The following ITPRID1 variants were observed in gnomAD, a reference collection of about 807,000 sequenced individuals.
The protein encoded by ITPRID1 is ITPR interacting domain containing 1.
In ITPRID1, 96 loss-of-function variants were observed where a neutral mutation model predicts 95.4. The observed-to-expected ratio is 1.01, with a 90% CI of 0.85 to 1.19. ITPRID1 has a LOEUF of 1.19. ITPRID1 is among the 50% of genes most tolerant of loss of function. The pLI is 0.00. For synonymous variants in ITPRID1, 510 were observed against 453.6 expected (o/e 1.12, Z -1.58); for missense variants, 1,339 against 1,252.9 (o/e 1.07, Z -1.04).
chr7:31,588,283 C>G (rs1785709213), intron 10 of ITPRID1, among the ~76,000 whole-genome samples: 1 of 152,008 alleles, frequency 6.6e-6, no homozygotes, highest in African/African-American at 2.4e-5. Flanking sequence ...TTTTTAAAAG[C>G]TTTTTATTTT....
chr7:31,623,292 A>G (rs1312685379), intron 10 of ITPRID1, among the ~76,000 whole-genome samples: 1 of 152,100 alleles, frequency 6.6e-6, no homozygotes, highest in Non-Finnish European at 1.5e-5. Flanking sequence ...CCGGGCAGAG[A>G]CACAACCAAA....
chr7:31,521,920 T>G (rs2128127455), intron 1 of ITPRID1, among the ~76,000 whole-genome samples: 1 of 148,898 alleles, frequency 6.7e-6, no homozygotes, highest in South Asian at 2.1e-4. Context: ...TTTTTTTTTT[T>G]TTTTTTTGGT....
At chr7:31,560,805 G>A (rs1461037219) in intron 5 of ITPRID1, among the ~76,000 whole-genome samples, 1 of 152,190 alleles carries the variant, frequency 6.6e-6, no homozygotes, top group African/African-American at 2.4e-5. Context: ...GTACTATTGA[G>A]TAGGTAGTTG....
chr7:31,592,451 A>T (rs759967516), intron 10 of ITPRID1, among the ~76,000 whole-genome samples: 1 of 152,224 alleles, frequency 6.6e-6, no homozygotes, highest in African/African-American at 2.4e-5. Flanking sequence ...ATTCAAGTTG[A>T]TTAAGATGTT....
At chr7:31,535,224 A>C (rs1221298654) in intron 1 of ITPRID1, among the ~76,000 whole-genome samples, 3 of 152,180 alleles carry the variant, frequency 2.0e-5, no homozygotes, top group Admixed American at 1.3e-4. Flanking sequence ...CTATCATTAA[A>C]GTATATTGTA....
At chr7:31,516,462 T>C (rs1783043471) in intron 1 of ITPRID1, among the ~76,000 whole-genome samples, 1 of 152,184 alleles carries the variant, frequency 6.6e-6, no homozygotes, top group Non-Finnish European at 1.5e-5. Context: ...TAAAACACCC[T>C]TGATATCCCG....
chr7:31,551,924 G>A lies in ITPRID1; in HGVS notation c.-23-1078G>A, dbSNP rs1250339769. ...TAAAGCATATGTCATGGAAGTAATT[G>A]CATCAGAAAGTGTGGCTTGAAACCT... On this transcript the variant is annotated intron_variant, in intron 2 of 14. Transcript: ENST00000615280. 2.1e-5 allele frequency: 9 copies of A among 419,514 alleles called. 1 individual carries two copies. The highest frequency in any genetic ancestry group is 1.5e-4 in the South Asian group (9 of 59,094). The allele number at this position is 419,514 out of a possible 1,614,324, so 26.0% of individuals were successfully genotyped here.
intron 1 of ITPRID1, among the ~76,000 whole-genome samples, chr7:31,528,266 G>A (rs1206245364): frequency 2.0e-5 from 3 of 152,314 alleles, no homozygotes; most frequent in Non-Finnish European, 4.4e-5. Context: ...GTTTATGTGT[G>A]TATGTGGATG....
intron 12 of ITPRID1, among the ~76,000 whole-genome samples, chr7:31,648,789 C>T (rs1171307267): frequency 6.6e-6 from 1 of 152,230 alleles, no homozygotes; most frequent in Admixed American, 6.5e-5. Context: ...TGCTAAGGGA[C>T]AAGCAACTTA....
At chr7:31,644,753 A>G (rs1321905349) in intron 12 of ITPRID1, among the ~76,000 whole-genome samples, 1 of 152,206 alleles carries the variant, frequency 6.6e-6, no homozygotes, top group Non-Finnish European at 1.5e-5. Context: ...AGGGCCAGCC[A>G]TTGATTAAAA....
chr7:31,539,143 C>T (rs1783852208), intron 1 of ITPRID1, among the ~76,000 whole-genome samples: 4 of 152,128 alleles, frequency 2.6e-5, no homozygotes, highest in Admixed American at 2.0e-4. Flanking sequence ...CTGCTATAAA[C>T]ATCAATGTGC....
chr7:31,539,450 C>A (rs10228650), intron 1 of ITPRID1, among the ~76,000 whole-genome samples: 88,392 of 152,040 alleles, frequency 0.58, 26,795 homozygotes, highest in Middle Eastern at 0.71. Flanking sequence ...ACAGTGCTGG[C>A]ATTACAGATG....
intron 5 of ITPRID1, among the ~76,000 whole-genome samples, chr7:31,562,930 A>G (rs1784674027): frequency 6.6e-6 from 1 of 152,088 alleles, no homozygotes. Context: ...AACACCACTA[A>G]CATGCATTTT....
At chr7:31,529,021 G>A (rs1409894431) in intron 1 of ITPRID1, among the ~76,000 whole-genome samples, 1 of 152,184 alleles carries the variant, frequency 6.6e-6, no homozygotes, top group Admixed American at 6.5e-5. Flanking sequence ...GAGGTCAGTA[G>A]TGTGCCTACT....
Position 31,623,986 on chromosome 7 carries a change from C to T in ITPRID1, c.1229-18190C>T, listed in dbSNP as rs1788188542. On this transcript the variant is annotated intron_variant, in intron 10 of 14. Transcript: ENST00000615280. ...TTCTTATACACCAATAACAGACAAA[C>T]AGAGAGCCAAATCATGAGTGAACTC... Among the ~76,000 whole-genome samples the T allele has an allele frequency of 6.0e-5, 9 of 149,388 alleles. No individual in the cohort carries two copies. The South Asian group carries it at 2.0e-3, about 32-fold the overall frequency.
chr7:31,651,768 T>G (rs779249541), intron 13 of ITPRID1, among the ~76,000 whole-genome samples, 171 bp from the exon 14 acceptor site: 1 of 65,268 alleles, frequency 1.5e-5, no homozygotes, highest in Non-Finnish European at 3.1e-5. Flanking sequence ...AATAAAGTTG[T>G]TTTTTTTTTT....
In ITPRID1 at chr7:31,601,955, A is replaced by G. The variant is rs772981129; in HGVS notation, c.1228+18764A>G. 2.6e-5 allele frequency among the ~76,000 whole-genome samples: 4 copies of G among 151,968 alleles called. No individual in the cohort carries two copies. In the East Asian group the frequency reaches 7.7e-4, roughly 29 times the overall value. ...ATTTTCTACACACCCATGAAAGTCA[A>G]TTTCCATGCTGCTCTGTGTCTTCTT... On this transcript the variant is annotated intron_variant, in intron 10 of 14. Coordinates refer to ENST00000615280, the MANE Select transcript of ITPRID1 (RefSeq NM_001257967.3).
intron 10 of ITPRID1, among the ~76,000 whole-genome samples, chr7:31,619,252 G>A (rs1305770100): frequency 6.6e-6 from 1 of 152,126 alleles, no homozygotes; most frequent in East Asian, 1.9e-4. Flanking sequence ...AAGGCATAAT[G>A]ACTAGATTTC....
At position 31,653,771 on chromosome 7, in the gene ITPRID1, A is replaced by G. The variant is rs1791149559; in HGVS notation, c.*942A>G. ...TCACAGAATATAAACATGTACGTACATTTATTATTAAAAACTCTGAAGGAA... is the reference window on the plus strand; with the variant it reads ...TCACAGAATATAAACATGTACGTACGTTTATTATTAAAAACTCTGAAGGAA... On this transcript the variant is annotated 3_prime_UTR_variant, in exon 15 of 15. Transcript: ENST00000615280. The G allele has an allele frequency of 6.6e-6, 1 of 152,234 alleles. No individual in the cohort carries two copies. Among genetic ancestry groups the G allele is most frequent in the African/African-American group, 2.4e-5 (1 of 41,462 alleles). 9.4% of individuals were successfully genotyped at this position (152,234 alleles called of 1,614,324 possible).
Sources: gnomAD v4.1 joint callset for allele counts (sites outside exome capture counted in the v4.1 genomes callset) on GRCh38, gnomAD v4.1.1 for gene constraint, MANE v1.5 for transcripts, NCBI Gene and HGNC (gene_info 2026-07-23, HGNC 2026-07-21) for gene names.